Variants in PIK3C2G observed in about 807,000 individuals in gnomAD.
The protein encoded by PIK3C2G is phosphatidylinositol 3-kinase C2 domain-containing subunit gamma.
A neutral mutation model predicts 181.1 loss-of-function variants in PIK3C2G; 168 were observed. The ratio of observed to expected loss-of-function variants is 0.93; its 90% CI spans 0.82 to 1.05. PIK3C2G has a LOEUF of 1.05. Ranked by LOEUF, PIK3C2G falls within the 50% of genes least tolerant of loss-of-function variation. The probability of loss-of-function intolerance (pLI) is 0.00; values close to 1 mark genes in which losing one functional copy is unlikely to be tolerated. For missense variants in PIK3C2G, 1,869 were observed against 1,732.8 expected, an observed-to-expected ratio of 1.08 and a Z score of -1.40; for synonymous variants, 573 against 592.2, an observed-to-expected ratio of 0.97 and a Z score of 0.47.
chr12:18,317,391 G>A (rs549912180), intron 6 of PIK3C2G, among the ~76,000 whole-genome samples: 4 of 152,090 alleles, frequency 2.6e-5, no homozygotes, highest in African/African-American at 9.6e-5. Flanking sequence ...AAACTTTAAG[G>A]ATTTACTTCC....
chr12:18,476,086 A>G (rs1938960737), intron 18 of PIK3C2G, among the ~76,000 whole-genome samples: 1 of 152,222 alleles, frequency 6.6e-6, no homozygotes, highest in Non-Finnish European at 1.5e-5. Context: ...TTTAAAAAGC[A>G]AAAAATAACT....
At chr12:18,395,495 C>T (rs1463081368) in intron 15 of PIK3C2G, among the ~76,000 whole-genome samples, 8 of 148,410 alleles carry the variant, frequency 5.4e-5, no homozygotes, top group East Asian at 2.0e-4. Flanking sequence ...TAAGTTCATC[C>T]GTACTATACA....
At chr12:18,672,483 G>GCC in the PIK3C2G span, among the ~76,000 whole-genome samples, 2 of 152,002 alleles carry the variant, frequency 1.3e-5, no homozygotes. Flanking sequence ...ATAAATCTAG[G>GCC]TTAAAACAAC....
the PIK3C2G span, among the ~76,000 whole-genome samples, chr12:18,658,991 T>G: frequency 2.0e-5 from 3 of 152,190 alleles, no homozygotes; most frequent in African/African-American, 7.2e-5. Flanking sequence ...GAATAACTCA[T>G]GCTCTATGAC....
intron 9 of PIK3C2G, among the ~76,000 whole-genome samples, chr12:18,340,582 T>C (rs904553664): frequency 1.3e-5 from 2 of 152,166 alleles, no homozygotes; most frequent in African/African-American, 4.8e-5. Context: ...TCTTAAATTG[T>C]CACATTTTAG....
chr12:18,433,965 C>T (rs1946306208), intron 18 of PIK3C2G, among the ~76,000 whole-genome samples: 1 of 152,168 alleles, frequency 6.6e-6, no homozygotes, highest in African/African-American at 2.4e-5. Flanking sequence ...ATCCTTTCAT[C>T]TTATGGCTCA....
chr12:18,248,648 C>T (rs1419254445), intron 1 of PIK3C2G, among the ~76,000 whole-genome samples: 1 of 152,166 alleles, frequency 6.6e-6, no homozygotes, highest in African/African-American at 2.4e-5. Context: ...GTTTCTATTA[C>T]TAACCAATGC....
the PIK3C2G span, chr12:18,705,118 T>C: frequency 3.1e-6 from 5 of 1,601,384 alleles, no homozygotes; most frequent in Non-Finnish European, 4.3e-6. Context: ...AGTGACATGT[T>C]TTCATGGACT....
At chr12:18,339,376 A>G (rs916852545) in intron 9 of PIK3C2G, among the ~76,000 whole-genome samples, 5 of 152,132 alleles carry the variant, frequency 3.3e-5, no homozygotes, top group African/African-American at 1.2e-4. Context: ...GCAATGTCAT[A>G]AAGTTGGTAT....
intron 29 of PIK3C2G, among the ~76,000 whole-genome samples, chr12:18,587,146 CA>C (rs1858601573): frequency 1.3e-5 from 2 of 152,216 alleles, no homozygotes; most frequent in South Asian, 4.2e-4. Flanking sequence ...AAAATCCGCA[CA>C]AGTTAAGGAT....
chr12:18,444,364 T>C (rs984963631), intron 18 of PIK3C2G, among the ~76,000 whole-genome samples: 1 of 152,192 alleles, frequency 6.6e-6, no homozygotes, highest in Admixed American at 6.5e-5. Flanking sequence ...GGTATTTATG[T>C]TTTTAGTCTT....
At chr12:18,618,655 G>C (rs1375229979) in intron 31 of PIK3C2G, among the ~76,000 whole-genome samples, 1 of 152,084 alleles carries the variant, frequency 6.6e-6, no homozygotes, top group Non-Finnish European at 1.5e-5. Flanking sequence ...CCAGATTTTG[G>C]AGCTGTTGGG....
intron 5 of PIK3C2G, among the ~76,000 whole-genome samples, chr12:18,297,524 C>T (rs1949992368): frequency 6.6e-6 from 1 of 151,932 alleles, no homozygotes; most frequent in African/African-American, 2.4e-5. Context: ...TTTGTCATTT[C>T]TTTGTAGTAG....
chr12:18,593,340 A>C (rs1424424758), intron 29 of PIK3C2G, among the ~76,000 whole-genome samples: 1 of 151,868 alleles, frequency 6.6e-6, no homozygotes, highest in Non-Finnish European at 1.5e-5. Flanking sequence ...TTGTAAGCGG[A>C]TGGAAAGCTG....
Position 18,341,683 on chromosome 12 carries a change from T to C in PIK3C2G, c.1396-1644T>C, listed in dbSNP as rs552142606. On this transcript the variant is annotated intron_variant, in intron 9 of 32. Transcript: ENST00000538779. ...ACCTATGTAAGAGTACTGGCACACATAGTAAGTACATTTTACAGAATTTGT... is the reference window on the plus strand; with the variant it reads ...ACCTATGTAAGAGTACTGGCACACACAGTAAGTACATTTTACAGAATTTGT... 5.9e-5 allele frequency among the ~76,000 whole-genome samples: 9 copies of C among 152,266 alleles called. No individual in the cohort carries two copies. In the East Asian group the frequency reaches 1.2e-3, roughly 20 times the overall value.
At chr12:18,465,985 TAGATA>T (rs1356287360) in intron 18 of PIK3C2G, among the ~76,000 whole-genome samples, 1 of 151,628 alleles carries the variant, frequency 6.6e-6, no homozygotes, top group African/African-American at 2.4e-5. Flanking sequence ...CACTAGATTC[TAGATA>T]ATTTTTTAAA....
At chr12:18,430,623 G>C (rs759364843) in intron 18 of PIK3C2G, among the ~76,000 whole-genome samples, 21 of 152,162 alleles carry the variant, frequency 1.4e-4, no homozygotes, top group Admixed American at 2.6e-4. Flanking sequence ...ATAGGGGGTG[G>C]AGGAGAGCTG....
At chr12:18,348,978 C>T (rs147301968) in intron 11 of PIK3C2G, among the ~76,000 whole-genome samples, 158 of 152,192 alleles carry the variant, frequency 1.0e-3, no homozygotes, top group South Asian at 1.7e-3. Context: ...ACCTCAGTTC[C>T]CCATGGTGTA....
chr12:18,513,203 T>C (rs1292431261), intron 24 of PIK3C2G, among the ~76,000 whole-genome samples: 1 of 151,860 alleles, frequency 6.6e-6, no homozygotes, highest in Non-Finnish European at 1.5e-5. Context: ...TCTAATAATA[T>C]TTTCTTGAGT....
Sources: gnomAD v4.1 joint callset for allele counts (sites outside exome capture counted in the v4.1 genomes callset) on GRCh38, gnomAD v4.1.1 for gene constraint, MANE v1.5 for transcripts, NCBI Gene and HGNC (gene_info 2026-07-23, HGNC 2026-07-21) for gene names.